MIPEP: variants seen among roughly 807,000 people sequenced by gnomAD.
MIPEP encodes the protein mitochondrial intermediate peptidase.
Under a neutral mutation model 90.3 loss-of-function variants are expected in MIPEP, and 79 were observed. The observed-to-expected ratio is 0.87, with a 90% CI of 0.73 to 1.05. MIPEP has a LOEUF of 1.05. Ranked by LOEUF, MIPEP falls within the 50% of genes least tolerant of loss-of-function variation. The probability of loss-of-function intolerance (pLI) is 0.00; values close to 1 mark genes in which losing one functional copy is unlikely to be tolerated. For missense variants in MIPEP, 940 were observed against 905.6 expected, an observed-to-expected ratio of 1.04 and a Z score of -0.49; for synonymous variants, 334 against 315.8, an observed-to-expected ratio of 1.06 and a Z score of -0.61.
intron 16 of MIPEP, among the ~76,000 whole-genome samples, chr13:23,782,138 T>G (rs1170784862): frequency 6.6e-6 from 1 of 152,138 alleles, no homozygotes; most frequent in Non-Finnish European, 1.5e-5. Flanking sequence ...CCACCCCAAA[T>G]CAACAGAATA....
intron 16 of MIPEP, among the ~76,000 whole-genome samples, chr13:23,781,524 T>G (rs1227619242): frequency 1.3e-5 from 2 of 152,146 alleles, no homozygotes; most frequent in African/African-American, 4.8e-5. Flanking sequence ...AGACCATCGA[T>G]GCTAGGAAGA....
At chr13:23,802,338 G>C (rs1953053270) in intron 16 of MIPEP, among the ~76,000 whole-genome samples, 1 of 152,152 alleles carries the variant, frequency 6.6e-6, no homozygotes, top group African/African-American at 2.4e-5. Flanking sequence ...ACTTTGGGAG[G>C]TGGAAGCAGG....
intron 16 of MIPEP, among the ~76,000 whole-genome samples, chr13:23,769,658 C>A (rs1048499622): frequency 6.6e-6 from 1 of 152,138 alleles, no homozygotes; most frequent in East Asian, 1.9e-4. Context: ...TCTCCGCCTG[C>A]CGTGGGGAAT....
intron 18 of MIPEP, among the ~76,000 whole-genome samples, chr13:23,737,133 C>T (rs754029324): frequency 5.9e-5 from 9 of 152,216 alleles, no homozygotes; most frequent in Non-Finnish European, 1.0e-4. Context: ...ACACGGCTTC[C>T]GTTCTGTGGA....
intron 15 of MIPEP, among the ~76,000 whole-genome samples, chr13:23,809,292 A>T (rs1462870491): frequency 6.6e-6 from 1 of 152,208 alleles, no homozygotes; most frequent in Admixed American, 6.5e-5. Context: ...TGTGTGATTT[A>T]GAAGTTGTGT....
intron 12 of MIPEP, 97 bp downstream of exon 12, chr13:23,839,552 A>G: frequency 1.4e-6 from 1 of 727,060 alleles, no homozygotes; most frequent in Non-Finnish European, 2.1e-6. Context: ...AGTAACTTTT[A>G]AATGTCATGG....
chr13:23,768,399 A>C (rs1309664238), intron 16 of MIPEP, among the ~76,000 whole-genome samples: 6 of 152,214 alleles, frequency 3.9e-5, no homozygotes, highest in Non-Finnish European at 8.8e-5. Context: ...TTCTTACACA[A>C]GCTATGTTAA....
intron 3 of MIPEP, among the ~76,000 whole-genome samples, chr13:23,880,193 C>T (rs1004472711): frequency 1.1e-4 from 16 of 152,168 alleles, no homozygotes; most frequent in Non-Finnish European, 2.2e-4. Flanking sequence ...AGGGTTTCTG[C>T]TACCATTCTC....
At chr13:23,806,109 T>A in intron 15 of MIPEP, 40 bp from the exon 16 acceptor site, 1 of 1,610,690 alleles carries the variant, frequency 6.2e-7, no homozygotes, top group South Asian at 1.1e-5. Flanking sequence ...TGGTCGTCCA[T>A]CCTCACATCA....
chr13:23,800,577 A>G lies in MIPEP; in HGVS notation c.1848+5373T>C, dbSNP rs984053764. 1.9e-4 allele frequency among the ~76,000 whole-genome samples: 29 copies of G among 152,324 alleles called. No homozygotes were observed. The East Asian group carries it at 5.2e-3, about 27-fold the overall frequency. The stretch of plus-strand genomic sequence containing the variant: ...CTACTGTTAGATGGAATAGCAAGTA[A>G]GTACAAATTAGCCTATATTTTATAC... On this transcript the variant is annotated intron_variant, in intron 16 of 18. Coordinates refer to ENST00000382172, the MANE Select transcript of MIPEP (RefSeq NM_005932.4).
intron 10 of MIPEP, among the ~76,000 whole-genome samples, chr13:23,850,346 T>C (rs1466521605): frequency 6.6e-6 from 1 of 152,200 alleles, no homozygotes; most frequent in Non-Finnish European, 1.5e-5. Context: ...GTAAAGGAAC[T>C]GAATGATACT....
At chr13:23,867,878 G>A (rs1401463700) in intron 7 of MIPEP, among the ~76,000 whole-genome samples, 1 of 151,712 alleles carries the variant, frequency 6.6e-6, no homozygotes, top group Non-Finnish European at 1.5e-5. Flanking sequence ...AAGCTGCAGA[G>A]GAAGGAAATG....
intron 18 of MIPEP, among the ~76,000 whole-genome samples, chr13:23,754,100 TAGA>T (rs1952467836): frequency 1.3e-5 from 2 of 152,120 alleles, no homozygotes; most frequent in African/African-American, 4.8e-5. Flanking sequence ...TACATTTTCA[TAGA>T]AGAATACTGC....
At chr13:23,753,836 G>C (rs1310453007) in intron 18 of MIPEP, among the ~76,000 whole-genome samples, 1 of 152,082 alleles carries the variant, frequency 6.6e-6, no homozygotes, top group East Asian at 1.9e-4. Flanking sequence ...ATTATTCAAA[G>C]ATCAAAAGCA....
At chr13:23,765,068 G>T (rs1167241375) in intron 16 of MIPEP, among the ~76,000 whole-genome samples, 2 of 152,144 alleles carry the variant, frequency 1.3e-5, no homozygotes, top group Non-Finnish European at 2.9e-5. Context: ...ACCAAACGCA[G>T]GTGGGAAATA....
At chr13:23,865,217 C>T (rs1870480269) in intron 7 of MIPEP, among the ~76,000 whole-genome samples, 1 of 152,176 alleles carries the variant, frequency 6.6e-6, no homozygotes. Flanking sequence ...GTGTACAGAG[C>T]TTTCATATGT....
At position 23,869,438 on chromosome 13, in the gene MIPEP, G is replaced by A; in HGVS notation, c.797C>T (p.Ala266Val). 6.2e-7 allele frequency: 1 copy of A among 1,605,170 alleles called. No homozygotes were observed. Among genetic ancestry groups the A allele is most frequent in the Non-Finnish European group, 8.5e-7 (1 of 1,177,466 alleles). Residue 266 changes from alanine to valine, a missense_variant, in exon 7 of 19, where the codon GCT (alanine) becomes GTT (valine). Physicochemically the swap from Ala to Val is moderately conservative, Grantham distance 64. Coordinates refer to ENST00000382172, the MANE Select transcript of MIPEP (RefSeq NM_005932.4). ...GGGATAAAGAAAAATTTTATAAGCA[G>A]CTTCTCGCACCTACGTTTAAAAAGT... ...AESPDDLVRE[A>V]AYKIFLYPNA... is the part of the protein sequence containing the mutation.
chr13:23,774,462 T>C (rs1565989186), intron 16 of MIPEP, among the ~76,000 whole-genome samples: 1 of 152,232 alleles, frequency 6.6e-6, no homozygotes, highest in Non-Finnish European at 1.5e-5. Flanking sequence ...GAGGTTTTGA[T>C]AGAGATTGTG....
chr13:23,854,761 G>A (rs1281304229), intron 10 of MIPEP, among the ~76,000 whole-genome samples: 2 of 151,792 alleles, frequency 1.3e-5, no homozygotes, highest in African/African-American at 2.4e-5. Context: ...GTGTGGTGGT[G>A]CATGCCTGTA....
Sources: allele counts gnomAD v4.1 joint callset (sites outside exome capture counted in the v4.1 genomes callset), GRCh38; gene constraint gnomAD v4.1.1; transcripts MANE v1.5; gene names NCBI Gene and HGNC (gene_info 2026-07-23, HGNC 2026-07-21).